Variants in NIPAL2 observed in about 807,000 individuals in gnomAD.
NIPAL2 encodes the protein NIPA-like protein 2.
Under a neutral mutation model 48.9 loss-of-function variants are expected in NIPAL2, and 43 were observed. The observed-to-expected ratio is 0.88, with a 90% CI of 0.69 to 1.13. The LOEUF is 1.13. Ranked by LOEUF, NIPAL2 falls within the 50% of genes most tolerant of loss-of-function variation. The pLI is 0.00. For missense variants in NIPAL2, 446 were observed against 461.4 expected (o/e 0.97, Z 0.31); for synonymous variants, 167 against 174.6 (o/e 0.96, Z 0.34).
Position 98,252,593 on chromosome 8 carries a change from C to T in NIPAL2, c.246G>A (p.Arg82=). ...ACCACAGCACACTCTTGAAGTATGG[C>T]CTTGGGTGCTCTTGTTGTGCCAGCT... ...HLQLAQQEHP[R]PYFKSVLWWG... Residue 82 remains arginine (R), a synonymous_variant, in exon 3 of 11, where the codon AGG becomes AGA. Transcript: ENST00000430223. 1 of 1,613,262 alleles carries T rather than the reference C, an allele frequency of 6.2e-7. No individual in the cohort carries two copies. Among genetic ancestry groups the T allele is most frequent in the Non-Finnish European group, 8.5e-7 (1 of 1,179,834 alleles).
chr8:98,239,545 A>G (rs1468778298), intron 3 of NIPAL2, among the ~76,000 whole-genome samples: 2 of 152,228 alleles, frequency 1.3e-5, no homozygotes, highest in Non-Finnish European at 2.9e-5. Flanking sequence ...ATCAAATTAT[A>G]TCAATTGCTA....
At chr8:98,244,327 G>A (rs111911121) in intron 3 of NIPAL2, among the ~76,000 whole-genome samples, 5,624 of 51,028 alleles carry the variant, frequency 0.11, 799 homozygotes, top group East Asian at 0.26. Flanking sequence ...GTGATGAGGG[G>A]TAGTCTGTAA....
At chr8:98,256,942 A>G (rs954316096) in intron 1 of NIPAL2, among the ~76,000 whole-genome samples, 2 of 152,216 alleles carry the variant, frequency 1.3e-5, no homozygotes, top group Non-Finnish European at 2.9e-5. Flanking sequence ...CATAGAGTAC[A>G]TATATATAAT....
chr8:98,219,605 C>G (rs1355827122), intron 5 of NIPAL2, among the ~76,000 whole-genome samples: 1 of 152,178 alleles, frequency 6.6e-6, no homozygotes, highest in Non-Finnish European at 1.5e-5. Flanking sequence ...TTCGTCACTC[C>G]TAGCCCCCTT....
chr8:98,253,240 TGA>T (rs1286302552), intron 2 of NIPAL2, among the ~76,000 whole-genome samples: 1 of 152,326 alleles, frequency 6.6e-6, no homozygotes, highest in African/African-American at 2.4e-5. Flanking sequence ...TAGTATATAC[TGA>T]ATAGGGTTCA....
At chr8:98,235,412 A>G (rs1294273171) in intron 4 of NIPAL2, among the ~76,000 whole-genome samples, 1 of 152,220 alleles carries the variant, frequency 6.6e-6, no homozygotes, top group Non-Finnish European at 1.5e-5. Flanking sequence ...TTCCATTAAT[A>G]ACTGTATTTC....
intron 1 of NIPAL2, among the ~76,000 whole-genome samples, chr8:98,288,514 T>C (rs935798755): frequency 1.8e-4 from 27 of 151,720 alleles, no homozygotes; most frequent in Non-Finnish European, 3.5e-4. Flanking sequence ...TGTGCATGTG[T>C]CTTTATAGCA....
chr8:98,225,973 T>C (rs965933734), intron 4 of NIPAL2, among the ~76,000 whole-genome samples: 1 of 152,040 alleles, frequency 6.6e-6, no homozygotes, highest in African/African-American at 2.4e-5. Flanking sequence ...TTCTTTCTTC[T>C]GCTTGATCAT....
intron 3 of NIPAL2, among the ~76,000 whole-genome samples, chr8:98,247,164 A>G (rs1813351633): frequency 6.6e-6 from 1 of 152,204 alleles, no homozygotes; most frequent in Non-Finnish European, 1.5e-5. Context: ...CTGTTTAACC[A>G]CCGTGCTTCA....
chr8:98,213,840 G>A (rs1186291438), intron 5 of NIPAL2, among the ~76,000 whole-genome samples: 1 of 152,116 alleles, frequency 6.6e-6, no homozygotes, highest in Non-Finnish European at 1.5e-5. Flanking sequence ...TTGCTGTGGA[G>A]CATTTTGCCG....
At chr8:98,217,126 GT>G (rs1286791507) in intron 5 of NIPAL2, 2 of 985,352 alleles carry the variant, frequency 2.0e-6, no homozygotes, top group Non-Finnish European at 2.4e-6. Context: ...GGGAAAGGCT[GT>G]TTTAGTGAGT....
intron 1 of NIPAL2, among the ~76,000 whole-genome samples, chr8:98,276,427 TC>T: frequency 6.6e-6 from 1 of 152,352 alleles, no homozygotes; most frequent in African/African-American, 2.4e-5. Context: ...TTGATAATAT[TC>T]CATTATCTGG....
rs1810316430 is a variant in NIPAL2, at chr8:98,191,877, T to C, written c.*1101A>G. On this transcript the variant is annotated 3_prime_UTR_variant, in exon 11 of 11. Transcript: ENST00000430223. ...TTGAAGCTCAGGTTTGACCACTGGGTTGTTTTCTATGTCTACAGGTTTAAA... is the reference window on the plus strand; with the variant it reads ...TTGAAGCTCAGGTTTGACCACTGGGCTGTTTTCTATGTCTACAGGTTTAAA... 1 of 152,198 alleles carries C rather than the reference T, an allele frequency of 6.6e-6. No individual in the cohort carries two copies. Among genetic ancestry groups the C allele is most frequent in the African/African-American group, 2.4e-5 (1 of 41,454 alleles). 9.4% of individuals were successfully genotyped at this position (152,198 alleles called of 1,614,324 possible). A position where few individuals can be genotyped will look rare whatever the true frequency, so the allele number is the denominator to read the frequency against.
chr8:98,194,271 A>G (rs1029195122), intron 10 of NIPAL2, among the ~76,000 whole-genome samples: 1 of 151,564 alleles, frequency 6.6e-6, no homozygotes, highest in Non-Finnish European at 1.5e-5. Context: ...CGGGGTGAGG[A>G]AGGGGGAAGA....
Position 98,212,500 on chromosome 8 carries a change from A to T in NIPAL2, c.560T>A (p.Ile187Asn). 2 of 1,335,826 alleles carry T rather than the reference A, an allele frequency of 1.5e-6. No individual in the cohort carries two copies. Among genetic ancestry groups the T allele is most frequent in the Non-Finnish European group, 2.2e-6 (2 of 929,976 alleles). The allele number at this position is 1,335,826 out of a possible 1,614,324, so 82.7% of individuals were successfully genotyped here. A position where few individuals can be genotyped will look rare whatever the true frequency, so the allele number is the denominator to read the frequency against. The part of the protein sequence containing the change: ...LVGWQFLIYV[I>N]LEILIFCILL... ...AATGCAGAAAATTAATATTTCTAAA[A>T]TCTAGAAATGAAAAAGATGGAAAAG... Residue 187 changes from isoleucine to asparagine, a missense_variant and splice_region_variant, in exon 6 of 11, where the codon ATT becomes AAT. Physicochemically the swap from Ile to Asn is moderately radical, Grantham distance 149. Transcript: ENST00000430223.
At chr8:98,218,325 G>T (rs1811673583) in intron 5 of NIPAL2, among the ~76,000 whole-genome samples, 1 of 152,168 alleles carries the variant, frequency 6.6e-6, no homozygotes, top group Admixed American at 6.5e-5. Flanking sequence ...ATAAAAAACA[G>T]AACTAAATCA....
At chr8:98,220,207 C>T (rs1811784050) in intron 5 of NIPAL2, among the ~76,000 whole-genome samples, 1 of 152,092 alleles carries the variant, frequency 6.6e-6, no homozygotes, top group African/African-American at 2.4e-5. Flanking sequence ...TTGTCATATA[C>T]ACTAGGAACT....
Position 98,194,792 on chromosome 8 carries a change from C to A in NIPAL2, c.975G>T (p.Leu325Phe), listed in dbSNP as rs1173250264. Residue 325 changes from leucine to phenylalanine, a missense_variant, in exon 10 of 11, where the codon TTG becomes TTT. Transcript: ENST00000430223. ...GTTCCTTTTCTCGATTTCTTGTGAC[C>A]AAAAATACACCAAGGAATGACAGAA... is the stretch of plus-strand genomic sequence containing the variant. The part of the protein sequence containing the change: ...GCFLSFLGVF[L>F]VTRNREKEHL... The A allele has an allele frequency of 6.4e-7, 1 of 1,566,532 alleles. No individual in the cohort carries two copies. The highest frequency in any genetic ancestry group is 8.6e-7 in the Non-Finnish European group (1 of 1,160,872).
chr8:98,275,874 G>GT (rs1355250094), intron 1 of NIPAL2, among the ~76,000 whole-genome samples: 3 of 152,004 alleles, frequency 2.0e-5, no homozygotes, highest in Non-Finnish European at 4.4e-5. Context: ...GCTGACTAGT[G>GT]TATCAGTTCT....
Sources: gnomAD v4.1 joint callset for allele counts (sites outside exome capture counted in the v4.1 genomes callset) on GRCh38, gnomAD v4.1.1 for gene constraint, MANE v1.5 for transcripts, NCBI Gene and HGNC (gene_info 2026-07-23, HGNC 2026-07-21) for gene names.